Variants in ACAD10 observed in about 807,000 individuals in gnomAD.
ACAD10 encodes the protein ACAD-10.
A neutral mutation model predicts 116.8 loss-of-function variants in ACAD10; 112 were observed. That is an observed-to-expected ratio of 0.96 (90% CI 0.82 to 1.12). The LOEUF (loss-of-function observed/expected upper bound fraction) is 1.12, where lower values mean the gene tolerates loss of function less well. Among genes scored for constraint, ACAD10 ranks in the 50% most tolerant of loss-of-function variants. The probability of loss-of-function intolerance (pLI) is 0.00; values close to 1 mark genes in which losing one functional copy is unlikely to be tolerated. For missense variants in ACAD10, 1,259 were observed against 1,350.2 expected (o/e 0.93, Z 1.06); for synonymous variants, 486 against 510.6 (o/e 0.95, Z 0.65).
At chr12:111,712,409 T>A (rs1285798760) in intron 5 of ACAD10, 89 bp from the exon 6 acceptor site, 4 of 1,209,850 alleles carry the variant, frequency 3.3e-6, no homozygotes, top group Non-Finnish European at 4.7e-6. Context: ...TAAAAATATA[T>A]ACGTGTATAT....
At chr12:111,690,157 G>A (rs1275674545) in intron 1 of ACAD10, among the ~76,000 whole-genome samples, 2 of 152,192 alleles carry the variant, frequency 1.3e-5, no homozygotes, top group Non-Finnish European at 2.9e-5. Context: ...TATAGAGGTT[G>A]AGTATCCCTT....
In ACAD10 at chr12:111,692,786, G is replaced by A. The variant is rs371322419; in HGVS notation, c.77G>A (p.Arg26His). The change falls in exon 2 of 21, where the codon CGC becomes CAC. Residue 26 changes from arginine (R) to histidine (H), a missense_variant. Transcript: ENST00000313698. ...WRTAFLKHTQRRHQGSHRWTH... is the reference protein window; with the variant it reads ...WRTAFLKHTQHRHQGSHRWTH... Reference sequence around the variant, plus strand: ...ACAGCCTTCCTGAAACACACCCAGCGCAGGCACCAGGGGTCCCACCGATGG... The same window carrying A: ...ACAGCCTTCCTGAAACACACCCAGCACAGGCACCAGGGGTCCCACCGATGG... 51 of 1,614,190 alleles carry A rather than the reference G, an allele frequency of 3.2e-5. No homozygotes were observed. Among genetic ancestry groups the A allele is most frequent in the African/African-American group, 3.1e-4 (23 of 75,062 alleles).
intron 8 of ACAD10, among the ~76,000 whole-genome samples, chr12:111,727,149 C>T (rs374783222): frequency 2.6e-5 from 4 of 152,064 alleles, no homozygotes; most frequent in East Asian, 1.9e-4. Context: ...TCGCTTGAAC[C>T]CAGGAGAAGG....
chr12:111,745,090 C>T, intron 13 of ACAD10, 47 bp downstream of exon 13: 1 of 1,560,974 alleles, frequency 6.4e-7, no homozygotes, highest in Non-Finnish European at 8.7e-7. Context: ...CCATGGCATA[C>T]CCTCCCCGAC....
Position 111,719,548 on chromosome 12 carries a change from G to A in ACAD10, c.993-2123G>A, listed in dbSNP as rs564199813. Among the ~76,000 whole-genome samples the A allele has an allele frequency of 2.8e-3, 418 of 151,764 alleles. 2 individuals are homozygous for A. Among genetic ancestry groups the A allele is most frequent in the African/African-American group, 9.6e-3 (399 of 41,410 alleles). On this transcript the variant is annotated intron_variant, in intron 7 of 20. Transcript: ENST00000313698. ...ATTACAGGCATGAGTCACTGCGCCC[G>A]GCCTTTTGTTTGTTATTTTTTGAGA...
intron 2 of ACAD10, among the ~76,000 whole-genome samples, chr12:111,699,838 T>C (rs1419860425): frequency 6.6e-6 from 1 of 152,144 alleles, no homozygotes; most frequent in East Asian, 1.9e-4. Context: ...AAGGATCACT[T>C]GATCCTGGGA....
chr12:111,713,435 A>C (rs1888750053), intron 6 of ACAD10, among the ~76,000 whole-genome samples: 1 of 150,126 alleles, frequency 6.7e-6, no homozygotes, highest in African/African-American at 2.5e-5. Flanking sequence ...GACCAGGCTG[A>C]CCAACATGGT....
At position 111,756,962 on chromosome 12, in the gene ACAD10, T is replaced by C. The variant is rs1371534991; in HGVS notation, c.*489T>C. 2.2e-6 allele frequency: 1 copy of C among 445,582 alleles called. No individual in the cohort carries two copies. The highest frequency in any genetic ancestry group is 4.5e-6 in the Non-Finnish European group (1 of 220,566). 27.6% of individuals were successfully genotyped at this position (445,582 alleles called of 1,614,324 possible). A position where few individuals can be genotyped will look rare whatever the true frequency, so the allele number is the denominator to read the frequency against. ...CCCAGGACCTGGGCGCCTGGGAAAATGGAATGCAACCCACATTGTAAAGCC... is the reference window on the plus strand; with the variant it reads ...CCCAGGACCTGGGCGCCTGGGAAAACGGAATGCAACCCACATTGTAAAGCC... On this transcript the variant is annotated 3_prime_UTR_variant, in exon 21 of 21. Coordinates refer to ENST00000313698, the MANE Select transcript of ACAD10 (RefSeq NM_025247.6).
At chr12:111,756,294 C>A in intron 20 of ACAD10, 39 bp from the exon 21 acceptor site, 2 of 1,543,282 alleles carry the variant, frequency 1.3e-6, no homozygotes, top group South Asian at 1.2e-5. Flanking sequence ...GAGACAAGGG[C>A]TGACCCAGGG....
chr12:111,726,070 G>A (rs1043561106), intron 8 of ACAD10, among the ~76,000 whole-genome samples: 1 of 151,712 alleles, frequency 6.6e-6, no homozygotes, highest in East Asian at 2.0e-4. Context: ...CCTGGCCAAC[G>A]TGGTGAAACC....
At chr12:111,715,600 TTGACAAACTGTAGTGGCA>T in intron 6 of ACAD10, 1 of 535,696 alleles carries the variant, frequency 1.9e-6, no homozygotes, top group Admixed American at 3.1e-5. Flanking sequence ...TGAATGGCCT[TTGACAAACTGTAGTGGCA>T]TGTGATCCTG....
At position 111,728,102 on chromosome 12, in the gene ACAD10, T is replaced by A; in HGVS notation, c.1202T>A (p.Val401Glu). Residue 401 changes from valine to glutamate, a missense_variant, in exon 9 of 21, where the codon GTG becomes GAG. By Grantham distance (121) the Val-to-Glu change is moderately radical. Coordinates refer to ENST00000313698, the MANE Select transcript of ACAD10 (RefSeq NM_025247.6). ...ACAGTCCTGTGCAAAATTCACAGTGTGGATCTGCAGGCTGTGGGACTTGAA... is the reference window on the plus strand; with the variant it reads ...ACAGTCCTGTGCAAAATTCACAGTGAGGATCTGCAGGCTGTGGGACTTGAA... ...MNTVLCKIHS[V>E]DLQAVGLEDY... 1.2e-6 allele frequency: 2 copies of A among 1,613,414 alleles called. No individual in the cohort carries two copies. The highest frequency in any genetic ancestry group is 1.7e-6 in the Non-Finnish European group (2 of 1,179,744).
At chr12:111,704,730 C>G (rs1727321335) in intron 3 of ACAD10, among the ~76,000 whole-genome samples, 1 of 148,164 alleles carries the variant, frequency 6.7e-6, no homozygotes, top group African/African-American at 2.5e-5. Context: ...CTCTGTTGCC[C>G]AGGCTGGAGT....
At chr12:111,732,951 T>A (rs1431636417) in intron 10 of ACAD10, among the ~76,000 whole-genome samples, 3 of 152,172 alleles carry the variant, frequency 2.0e-5, no homozygotes, top group African/African-American at 7.2e-5. Flanking sequence ...GGCTGTCGGG[T>A]GGGGCTGGAT....
rs200216828 is a variant in ACAD10, at chr12:111,747,042, T to G, written c.2257-7T>G. On this transcript the variant is annotated splice_polypyrimidine_tract_variant and splice_region_variant and intron_variant, in intron 14 of 20. Coordinates refer to ENST00000313698, the MANE Select transcript of ACAD10 (RefSeq NM_025247.6). ...ACAGTCATGGTCACGCTCCTTTTCCTTCTCAGGTATGTAACTGCTCTGCGC... is the reference window on the plus strand; with the variant it reads ...ACAGTCATGGTCACGCTCCTTTTCCGTCTCAGGTATGTAACTGCTCTGCGC... 3 of 1,576,126 alleles carry G rather than the reference T, an allele frequency of 1.9e-6. No individual in the cohort carries two copies. Among genetic ancestry groups the G allele is most frequent in the Non-Finnish European group, 2.6e-6 (3 of 1,159,162 alleles).
At chr12:111,747,264 C>A (rs754675846) in intron 15 of ACAD10, 31 bp from the exon 16 acceptor site, 1 of 1,613,804 alleles carries the variant, frequency 6.2e-7, no homozygotes, top group South Asian at 1.1e-5. Flanking sequence ...TGTCTGCTGG[C>A]GTCTCTGACT....
At chr12:111,711,950 C>T (rs2135957903) in intron 5 of ACAD10, among the ~76,000 whole-genome samples, 1 of 152,326 alleles carries the variant, frequency 6.6e-6, no homozygotes, top group South Asian at 2.1e-4. Flanking sequence ...ATAGCTTGTT[C>T]CTCTTCTTTA....
At chr12:111,701,012 G>A (rs1888334538) in intron 2 of ACAD10, among the ~76,000 whole-genome samples, 2 of 151,840 alleles carry the variant, frequency 1.3e-5, no homozygotes, top group African/African-American at 2.4e-5. Context: ...TCCCATTTTG[G>A]CCTCCCAAAG....
chr12:111,720,064 G>T (rs558091704), intron 7 of ACAD10, among the ~76,000 whole-genome samples: 2 of 152,016 alleles, frequency 1.3e-5, no homozygotes, highest in Non-Finnish European at 2.9e-5. Flanking sequence ...GGGTTTCGCC[G>T]TATTGGCCAG....
Sources: allele counts gnomAD v4.1 joint callset (sites outside exome capture counted in the v4.1 genomes callset), GRCh38; gene constraint gnomAD v4.1.1; transcripts MANE v1.5; gene names NCBI Gene and HGNC (gene_info 2026-07-23, HGNC 2026-07-21).